Variants in NBEA observed in about 807,000 individuals in gnomAD.
NBEA encodes lysosomal-trafficking regulator 2.
In NBEA, 44 loss-of-function variants were observed where a neutral mutation model predicts 343.4. The ratio of observed to expected loss-of-function variants is 0.13; its 90% CI spans 0.10 to 0.16. NBEA has a LOEUF of 0.16. NBEA is among the 10% of genes least tolerant of loss of function. The pLI is 1.00. For synonymous variants in NBEA, 1,175 were observed against 1,238.7 expected, an observed-to-expected ratio of 0.95 and a Z score of 1.08; for missense variants, 2,555 against 3,631.3, an observed-to-expected ratio of 0.70 and a Z score of 7.62.
intron 33 of NBEA, among the ~76,000 whole-genome samples, chr13:35,220,902 CT>C (rs373161703): frequency 1.9e-3 from 285 of 152,234 alleles, no homozygotes; most frequent in African/African-American, 6.0e-3. Context: ...TCCTTTCCCC[CT>C]ATGCCTATTT....
intron 10 of NBEA, among the ~76,000 whole-genome samples, chr13:35,078,936 T>G (rs1325141678): frequency 2.6e-5 from 4 of 151,968 alleles, no homozygotes; most frequent in Non-Finnish European, 4.4e-5. Flanking sequence ...GCAGGAGAAT[T>G]GTTTGAACCC....
intron 34 of NBEA, among the ~76,000 whole-genome samples, chr13:35,266,428 T>C (rs866858022): frequency 1.3e-5 from 2 of 151,850 alleles, no homozygotes; most frequent in Non-Finnish European, 3.0e-5. Context: ...CCGAGATGTG[T>C]ACTCAGTTTA....
intron 41 of NBEA, among the ~76,000 whole-genome samples, chr13:35,493,750 G>T (rs533865056): frequency 6.6e-6 from 1 of 151,914 alleles, no homozygotes; most frequent in Non-Finnish European, 1.5e-5. Context: ...CATTGGAGTA[G>T]ATGATTTCCC....
At chr13:35,140,744 A>G (rs1261013217) in intron 17 of NBEA, among the ~76,000 whole-genome samples, 1 of 152,160 alleles carries the variant, frequency 6.6e-6, no homozygotes, top group African/African-American at 2.4e-5. Context: ...ACGGACATAA[A>G]TGGTTCATTT....
At chr13:35,236,295 C>G (rs1287169313) in intron 34 of NBEA, among the ~76,000 whole-genome samples, 3 of 152,144 alleles carry the variant, frequency 2.0e-5, no homozygotes, top group Non-Finnish European at 4.4e-5. Context: ...CTTCCAGACC[C>G]AACTAGTCTT....
chr13:34,971,228 A>G (rs1344199936), intron 1 of NBEA, among the ~76,000 whole-genome samples: 1 of 152,100 alleles, frequency 6.6e-6, no homozygotes, highest in Non-Finnish European at 1.5e-5. Flanking sequence ...TTTATTTTGT[A>G]TCCTAAGATT....
At chr13:35,384,430 A>G (rs2152894302) in intron 38 of NBEA, among the ~76,000 whole-genome samples, 1 of 152,226 alleles carries the variant, frequency 6.6e-6, no homozygotes, top group Non-Finnish European at 1.5e-5. Flanking sequence ...CAGTGGATTA[A>G]AGCCTTCTCT....
chr13:35,363,452 C>T (rs984007157), intron 38 of NBEA, among the ~76,000 whole-genome samples: 1 of 151,796 alleles, frequency 6.6e-6, no homozygotes, highest in African/African-American at 2.4e-5. Flanking sequence ...TATTACCTTC[C>T]TAGCCTTGGA....
At chr13:35,273,355 T>C (rs553230928) in intron 34 of NBEA, among the ~76,000 whole-genome samples, 1 of 151,646 alleles carries the variant, frequency 6.6e-6, no homozygotes, top group African/African-American at 2.4e-5. Context: ...TTTAAAGGAG[T>C]GTGTAGAGGG....
intron 33 of NBEA, among the ~76,000 whole-genome samples, chr13:35,226,290 T>A (rs1363514801): frequency 1.3e-5 from 2 of 152,078 alleles, no homozygotes; most frequent in Admixed American, 1.3e-4. Flanking sequence ...ACACTGCTCC[T>A]AATGAGGGGG....
chr13:35,149,957 G>A (rs1280500131), intron 18 of NBEA, among the ~76,000 whole-genome samples: 1 of 152,132 alleles, frequency 6.6e-6, no homozygotes, highest in East Asian at 1.9e-4. Context: ...CTATACTCCT[G>A]TGTATACCTA....
intron 24 of NBEA, among the ~76,000 whole-genome samples, chr13:35,165,770 C>T (rs1435937985): frequency 2.0e-5 from 3 of 151,394 alleles, no homozygotes; most frequent in African/African-American, 4.9e-5. Flanking sequence ...CTGCAACCTC[C>T]GCCTCCTGGG....
intron 51 of NBEA, 70 bp downstream of exon 51, chr13:35,646,418 G>A (rs2084237041): frequency 8.6e-7 from 1 of 1,165,538 alleles, no homozygotes; most frequent in South Asian, 1.3e-5. Context: ...AAATAAAATT[G>A]TGATTTTAAC....
intron 40 of NBEA, among the ~76,000 whole-genome samples, chr13:35,469,750 CTTAAG>C (rs1355967083): frequency 2.0e-5 from 3 of 152,196 alleles, no homozygotes; most frequent in African/African-American, 7.2e-5. Flanking sequence ...TGTGTAGTTA[CTTAAG>C]TTATCTTCTA....
At position 35,654,908 on chromosome 13, in the gene NBEA, A is replaced by G; in HGVS notation, c.8089A>G (p.Ile2697Val). 1 of 1,591,062 alleles carries G rather than the reference A, an allele frequency of 6.3e-7. No homozygotes were observed. Among genetic ancestry groups the G allele is most frequent in the Non-Finnish European group, 8.5e-7 (1 of 1,172,244 alleles). Residue 2697 changes from isoleucine (I) to valine (V), a missense_variant, in exon 54 of 59, where the codon ATA becomes GTA. By Grantham distance (29) the Ile-to-Val change is conservative. This residue lies in a region of NBEA where 39 missense variants were observed against 37.9 expected (regional missense o/e 1.03). Transcript: ENST00000379939. ...GATCACAGACCTCGTTGACCAGAGT[A>G]TACAAATCAATGCACATTGTTTTGT... ...RQITDLVDQSIQINAHCFVVT... is the reference protein window; with the variant it reads ...RQITDLVDQSVQINAHCFVVT...
chr13:35,494,416 T>G (rs2076603571), intron 41 of NBEA, among the ~76,000 whole-genome samples: 1 of 151,994 alleles, frequency 6.6e-6, no homozygotes, highest in Non-Finnish European at 1.5e-5. Context: ...AAATCTGTAG[T>G]CTGATAAATT....
intron 39 of NBEA, 80 bp downstream of exon 39, chr13:35,432,473 T>C (rs2045184160): frequency 2.3e-6 from 3 of 1,304,278 alleles, no homozygotes; most frequent in Non-Finnish European, 3.1e-6. Context: ...TTCTTTTTTT[T>C]TCGCTAGTAT....
intron 1 of NBEA, among the ~76,000 whole-genome samples, chr13:34,984,922 C>A (rs559990014): frequency 1.3e-5 from 2 of 151,082 alleles, no homozygotes; most frequent in East Asian, 3.9e-4. Context: ...TGCTTATCAG[C>A]TTAAGGAGAT....
At chr13:35,297,764 A>G (rs1292439074) in intron 35 of NBEA, among the ~76,000 whole-genome samples, 1 of 151,932 alleles carries the variant, frequency 6.6e-6, no homozygotes, top group Non-Finnish European at 1.5e-5. Context: ...GTTATTAATG[A>G]CATTTTGAGT....
Sources: gnomAD v4.1 joint callset for allele counts (sites outside exome capture counted in the v4.1 genomes callset) on GRCh38, gnomAD v4.1.1 for gene constraint, gnomAD v4.1.1 regional missense constraint, MANE v1.5 for transcripts, NCBI Gene and HGNC (gene_info 2026-07-23, HGNC 2026-07-21) for gene names.